HMCN1: variants seen among roughly 807,000 people sequenced by gnomAD.
The protein encoded by HMCN1 is hemicentin-1.
In HMCN1, 321 loss-of-function variants were observed where a neutral mutation model predicts 625.9. That is an observed-to-expected ratio of 0.51 (90% CI 0.47 to 0.56). The LOEUF is 0.56. Ranked by LOEUF, HMCN1 falls within the 20% of genes least tolerant of loss-of-function variation. HMCN1 has a pLI of 0.00. For missense variants in HMCN1, 6,588 were observed against 6,887.3 expected, an observed-to-expected ratio of 0.96 and a Z score of 1.54; for synonymous variants, 2,425 against 2,417.6, an observed-to-expected ratio of 1.00 and a Z score of -0.09.
intron 48 of HMCN1, 53 bp downstream of exon 48, chr1:186,062,653 T>C: frequency 8.7e-7 from 1 of 1,147,162 alleles, no homozygotes; most frequent in Non-Finnish European, 1.3e-6. Flanking sequence ...CTGATAGTCA[T>C]TGCCTCCACT....
rs566625478 is a variant in HMCN1, at chr1:186,091,364, A to ATAC, written c.9887+449_9887+450insCTA. Among the ~76,000 whole-genome samples, 564 of 152,158 alleles carry ATAC rather than the reference A, an allele frequency of 3.7e-3. 4 individuals carry two copies. The highest frequency in any genetic ancestry group is 0.013 in the African/African-American group (537 of 41,544). ...GAAACCACCAAACTGTGTACATGCT[A>ATAC]TAATTGGCTCCTTTTGAGAAAAGAT... On this transcript the variant is annotated intron_variant, in intron 64 of 106. Coordinates refer to ENST00000271588, the MANE Select transcript of HMCN1 (RefSeq NM_031935.3).
rs180929970 is a variant in HMCN1 at position 186,146,844 on chromosome 1, C to T, written c.14608+921C>T. ...GCATCAGGAGGTCCAAATAGGTTGA[C>T]AGTTTGGGTTGCAGAATCTGGCAGA... On this transcript the variant is annotated intron_variant, in intron 93 of 106. Transcript: ENST00000271588. Among the ~76,000 whole-genome samples, 32 of 152,232 alleles carry T rather than the reference C, an allele frequency of 2.1e-4. No individual in the cohort carries two copies. The East Asian group carries it at 5.8e-3, about 28-fold the overall frequency.
In HMCN1 at chr1:186,019,699, A is replaced by G. The variant is rs757792977; in HGVS notation, c.5625+4A>G. 2 of 1,609,774 alleles carry G rather than the reference A, an allele frequency of 1.2e-6. No homozygotes were observed. Among genetic ancestry groups the G allele is most frequent in the Non-Finnish European group, 1.7e-6 (2 of 1,176,544 alleles). On this transcript the variant is annotated splice_donor_region_variant and intron_variant, in intron 35 of 106. Transcript: ENST00000271588. ...CACTGCCCAAGGAAACCTTAAAGTA[A>G]GTGTAAATATTACTCAGCCTAAACT...
chr1:185,909,409 G>A lies in HMCN1; in HGVS notation c.694G>A (p.Ala232Thr), dbSNP rs779304400. Residue 232 changes from alanine (A) to threonine (T), a missense_variant, in exon 5 of 107, where the codon GCT becomes ACT. By Grantham distance (58) the Ala-to-Thr change is moderately conservative (BLOSUM62 0). This residue lies in a region of HMCN1 where 4,628 missense variants were observed against 4,853.1 expected (regional missense o/e 0.95). Coordinates refer to ENST00000271588, the MANE Select transcript of HMCN1 (RefSeq NM_031935.3). ...TTTATCCACAGATCATTTGGAACAGGCTGTAAATACTTGGAGAATTCCTTT... is the reference window on the plus strand; with the variant it reads ...TTTATCCACAGATCATTTGGAACAGACTGTAAATACTTGGAGAATTCCTTT... The part of the protein sequence containing the change: ...HLLSTDHLEQ[A>T]VNTWRIPFDP... 5.0e-5 allele frequency: 81 copies of A among 1,613,154 alleles called. No homozygotes were observed. The highest frequency in any genetic ancestry group is 6.5e-5 in the Non-Finnish European group (77 of 1,179,340).
chr1:185,997,582 A>G (rs1192864981), intron 25 of HMCN1, 58 bp downstream of exon 25: 2 of 1,168,650 alleles, frequency 1.7e-6, no homozygotes, highest in African/African-American at 3.0e-5. Flanking sequence ...TCAGAATGCT[A>G]TATTGAACCC....
chr1:185,888,560 G>T (rs1219919577), intron 4 of HMCN1, among the ~76,000 whole-genome samples: 27 of 142,936 alleles, frequency 1.9e-4, no homozygotes, highest in East Asian at 7.9e-4. Flanking sequence ...ATTTATTAAA[G>T]AGGGAATCCT....
intron 31 of HMCN1, among the ~76,000 whole-genome samples, chr1:186,015,710 C>T (rs1437623997): frequency 6.6e-6 from 1 of 152,052 alleles, no homozygotes; most frequent in East Asian, 1.9e-4. Flanking sequence ...GTTGTTGGGA[C>T]AAAAATCATT....
intron 30 of HMCN1, among the ~76,000 whole-genome samples, chr1:186,012,620 C>A (rs1212266039): frequency 6.6e-6 from 1 of 151,940 alleles, no homozygotes; most frequent in Non-Finnish European, 1.5e-5. Context: ...TTCTTTAGAC[C>A]CGTTTCTTTT....
chr1:186,141,655 GC>G (rs1318889495), intron 89 of HMCN1, among the ~76,000 whole-genome samples: 1 of 152,154 alleles, frequency 6.6e-6, no homozygotes, highest in Non-Finnish European at 1.5e-5. Context: ...AGCCATCATA[GC>G]TCCTAGCTTA....
intron 4 of HMCN1, among the ~76,000 whole-genome samples, chr1:185,887,021 C>T (rs1664700139): frequency 6.6e-6 from 1 of 152,088 alleles, no homozygotes; most frequent in African/African-American, 2.4e-5. Flanking sequence ...ACTTTGCTGC[C>T]TCGGCACTTC....
At chr1:186,115,033 A>C (rs1019389263) in intron 74 of HMCN1, 87 bp downstream of exon 74, 97 of 1,582,376 alleles carry the variant, frequency 6.1e-5, no homozygotes, top group Non-Finnish European at 7.5e-5. Context: ...AGATCTTGAC[A>C]TTGAAGGCTA....
rs187876137 is a variant in HMCN1, at chr1:185,993,946, G to A, written c.3505+637G>A. On this transcript the variant is annotated intron_variant, in intron 23 of 106. Coordinates refer to ENST00000271588, the MANE Select transcript of HMCN1 (RefSeq NM_031935.3). The stretch of plus-strand genomic sequence containing the variant: ...ACAATTGTGTCCCCATTGATTATGT[G>A]GTGTGAAGTCACACCAGAGTTCTGT... Among the ~76,000 whole-genome samples, 13 of 152,118 alleles carry A rather than the reference G, an allele frequency of 8.5e-5. No individual in the cohort carries two copies. The East Asian group carries it at 2.5e-3, about 29-fold the overall frequency.
rs1046161583 is a variant in HMCN1 at position 186,153,664 on chromosome 1, C to A, written c.15019-86C>A. 13 of 1,055,622 alleles carry A rather than the reference C, an allele frequency of 1.2e-5. No individual in the cohort carries two copies. In the East Asian group the frequency reaches 2.8e-4, roughly 23 times the overall value. The allele number at this position is 1,055,622 out of a possible 1,614,324, so 65.4% of individuals were successfully genotyped here. Reference sequence around the variant, plus strand: ...TTTTTAGCTCCTAATCCTTTTTCCCCGCTCATTCTGCATTTCATAGTCCCC... The same window carrying A: ...TTTTTAGCTCCTAATCCTTTTTCCCAGCTCATTCTGCATTTCATAGTCCCC... On this transcript the variant is annotated intron_variant, in intron 96 of 106. Coordinates refer to ENST00000271588, the MANE Select transcript of HMCN1 (RefSeq NM_031935.3).
At chr1:186,076,663 C>A (rs773972524) in intron 54 of HMCN1, 41 bp downstream of exon 54, 5 of 1,572,084 alleles carry the variant, frequency 3.2e-6, no homozygotes, top group African/African-American at 2.7e-5. Flanking sequence ...TGACTCTCTG[C>A]CAAATGTGTT....
Position 185,749,814 on chromosome 1 carries a change from A to G in HMCN1, c.268+14767A>G, listed in dbSNP as rs370952000. On this transcript the variant is annotated intron_variant, in intron 1 of 106. Transcript: ENST00000271588. ...TCATTATTCCCACCTTCCCTTTCTG[A>G]TGTCCTTATTCACATCACTTTAAGC... 1.2e-4 allele frequency among the ~76,000 whole-genome samples: 18 copies of G among 152,212 alleles called. No homozygotes were observed. The East Asian group carries it at 2.5e-3, about 21-fold the overall frequency.
intron 40 of HMCN1, among the ~76,000 whole-genome samples, chr1:186,042,142 A>G (rs1162671095): frequency 1.3e-5 from 2 of 152,120 alleles, no homozygotes; most frequent in Non-Finnish European, 1.5e-5. Context: ...AGGGTTCTCT[A>G]TGTTCCCTTT....
At chr1:186,047,622 C>A (rs560958842) in intron 41 of HMCN1, among the ~76,000 whole-genome samples, 1 of 152,116 alleles carries the variant, frequency 6.6e-6, no homozygotes, top group South Asian at 2.1e-4. Context: ...ATTATTCCCT[C>A]CCCAACTCTT....
At chr1:185,961,452 T>C (rs961471258) in intron 11 of HMCN1, among the ~76,000 whole-genome samples, 1 of 152,204 alleles carries the variant, frequency 6.6e-6, no homozygotes, top group Non-Finnish European at 1.5e-5. Flanking sequence ...TGGCACATAA[T>C]AATTATGCAA....
At position 185,734,850 on chromosome 1, in the gene HMCN1, C is replaced by A; in HGVS notation, c.71C>A (p.Ala24Glu). ...ALLYSSLAQD[A>E]SPQSEIRAEE... The stretch of plus-strand genomic sequence containing the variant: ...CTTTATTCTTCCCTAGCTCAAGATG[C>A]GAGCCCCCAGTCAGAGATCAGAGCT... The change falls in exon 1 of 107, where the codon GCG (alanine) becomes GAG (glutamate). Residue 24 changes from alanine (A) to glutamate (E), a missense_variant. Transcript: ENST00000271588. 6 of 1,613,760 alleles carry A rather than the reference C, an allele frequency of 3.7e-6. No homozygotes were observed. The highest frequency in any genetic ancestry group is 5.1e-6 in the Non-Finnish European group (6 of 1,179,722).
Sources: gnomAD v4.1 joint callset for allele counts (sites outside exome capture counted in the v4.1 genomes callset) on GRCh38, gnomAD v4.1.1 for gene constraint, gnomAD v4.1.1 regional missense constraint, MANE v1.5 for transcripts, NCBI Gene and HGNC (gene_info 2026-07-23, HGNC 2026-07-21) for gene names.